Variants in CFAP206 observed in about 807,000 individuals in gnomAD.
CFAP206 encodes cilia and flagella associated protein 206, also known as cilia- and flagella-associated protein 206.
A neutral mutation model predicts 65.4 loss-of-function variants in CFAP206; 53 were observed. The observed-to-expected ratio is 0.81, with a 90% CI of 0.65 to 1.02. CFAP206 has a LOEUF of 1.02. Among genes scored for constraint, CFAP206 ranks in the 50% least tolerant of loss-of-function variants. The pLI is 0.00. For missense variants in CFAP206, 663 were observed against 753.2 expected (o/e 0.88, Z 1.40); for synonymous variants, 250 against 254.4 (o/e 0.98, Z 0.17).
In CFAP206 at chr6:87,409,879, A is replaced by T; in HGVS notation, c.40A>T (p.Ile14Leu). Residue 14 changes from isoleucine to leucine, a missense_variant, in exon 2 of 13, where the codon ATA becomes TTA. By Grantham distance (5) the Ile-to-Leu change is conservative (BLOSUM62 2). Coordinates refer to ENST00000369562, the MANE Select transcript of CFAP206 (RefSeq NM_001031743.3). ...TQAESVIRSI[I>L]REIGQECAAH... Reference sequence around the variant, plus strand: ...GGCCGAAAGTGTTATAAGGAGTATTATACGAGAAATAGGACAAGAATGTGC... The same window carrying T: ...GGCCGAAAGTGTTATAAGGAGTATTTTACGAGAAATAGGACAAGAATGTGC... 1 of 1,613,526 alleles carries T rather than the reference A, an allele frequency of 6.2e-7. No homozygotes were observed.
intron 2 of CFAP206, 133 bp from the exon 3 acceptor site, chr6:87,410,452 G>A (rs1472812958): frequency 5.5e-6 from 4 of 721,966 alleles, no homozygotes; most frequent in Non-Finnish European, 9.8e-6. Flanking sequence ...AAGAAGAATA[G>A]TTGGAAAACC....
At chr6:87,458,172 C>T (rs938080727) in intron 11 of CFAP206, among the ~76,000 whole-genome samples, 5 of 152,046 alleles carry the variant, frequency 3.3e-5, no homozygotes, top group Non-Finnish European at 7.4e-5. Flanking sequence ...CAGGCAATAA[C>T]GAATGCCGGT....
chr6:87,432,257 A>G (rs1228946910), intron 10 of CFAP206, among the ~76,000 whole-genome samples: 1 of 152,208 alleles, frequency 6.6e-6, no homozygotes, highest in Non-Finnish European at 1.5e-5. Context: ...AGAACACACA[A>G]TTGGCTCATT....
chr6:87,431,123 G>T lies in CFAP206; in HGVS notation c.1250G>T (p.Arg417Leu). The stretch of plus-strand genomic sequence containing the variant: ...TTTGATAAACTGTTAATTCAATATC[G>T]GGGATTTTGTGCTTACACGTTTGCT... ...ANFDKLLIQYRGFCAYTFAAT... is the reference protein window; with the variant it reads ...ANFDKLLIQYLGFCAYTFAAT... The change falls in exon 10 of 13, where the codon CGG becomes CTG. Residue 417 changes from arginine to leucine, a missense_variant. Physicochemically the swap from Arg to Leu is moderately radical, Grantham distance 102 (BLOSUM62 -2). Transcript: ENST00000369562. 1 of 1,613,796 alleles carries T rather than the reference G, an allele frequency of 6.2e-7. No homozygotes were observed. Among genetic ancestry groups the T allele is most frequent in the East Asian group, 2.2e-5 (1 of 44,860 alleles).
At chr6:87,417,149 C>T (rs1767847415) in intron 6 of CFAP206, among the ~76,000 whole-genome samples, 1 of 152,020 alleles carries the variant, frequency 6.6e-6, no homozygotes, top group South Asian at 2.1e-4. Flanking sequence ...AAAGGGAGTA[C>T]AATTTAGTTA....
intron 11 of CFAP206, among the ~76,000 whole-genome samples, chr6:87,446,917 T>C (rs754517075): frequency 1.1e-4 from 17 of 152,198 alleles, no homozygotes; most frequent in Non-Finnish European, 2.1e-4. Flanking sequence ...ACTTCCCTTG[T>C]TAGCTGTATT....
chr6:87,438,514 G>T (rs1373809451), intron 11 of CFAP206, among the ~76,000 whole-genome samples: 1 of 151,172 alleles, frequency 6.6e-6, no homozygotes, highest in Non-Finnish European at 1.5e-5. Context: ...ACAGGCAGTT[G>T]CTGGGCAGAT....
chr6:87,445,122 T>C (rs1285835980), intron 11 of CFAP206: 1 of 420,512 alleles, frequency 2.4e-6, no homozygotes. Context: ...AGCCACTTTC[T>C]TATCATTTGC....
At chr6:87,423,147 G>C (rs1402454934) in intron 7 of CFAP206, among the ~76,000 whole-genome samples, 2 of 152,120 alleles carry the variant, frequency 1.3e-5, no homozygotes, top group African/African-American at 2.4e-5. Flanking sequence ...TCGAACTCCT[G>C]GCCTCAAGTG....
chr6:87,434,501 T>A, intron 10 of CFAP206, among the ~76,000 whole-genome samples: 1 of 123,518 alleles, frequency 8.1e-6, no homozygotes, highest in Non-Finnish European at 1.7e-5. Context: ...TTTTTCTTTT[T>A]CTTTTTTTTT....
chr6:87,415,278 A>G (rs188937523), intron 4 of CFAP206, among the ~76,000 whole-genome samples: 7 of 151,342 alleles, frequency 4.6e-5, no homozygotes, highest in Non-Finnish European at 7.4e-5. Context: ...ATAGTATACT[A>G]CATGTGCTTA....
intron 11 of CFAP206, among the ~76,000 whole-genome samples, chr6:87,449,750 A>G (rs1768508923): frequency 6.6e-6 from 1 of 152,136 alleles, no homozygotes; most frequent in South Asian, 2.1e-4. Flanking sequence ...ATAGTTTGCA[A>G]ATATTTTCTC....
chr6:87,455,030 C>T (rs960455601), intron 11 of CFAP206, among the ~76,000 whole-genome samples: 3 of 151,678 alleles, frequency 2.0e-5, no homozygotes, highest in African/African-American at 7.3e-5. Flanking sequence ...TCAAGTGATT[C>T]TCCTGCCTCA....
chr6:87,413,758 T>G, intron 3 of CFAP206, 52 bp from the exon 4 acceptor site: 1 of 1,070,650 alleles, frequency 9.3e-7, no homozygotes, highest in Non-Finnish European at 1.4e-6. Context: ...AGGAAATACT[T>G]GACTGTCTCA....
intron 3 of CFAP206, among the ~76,000 whole-genome samples, chr6:87,412,367 G>A (rs1025409476): frequency 1.3e-5 from 2 of 152,174 alleles, no homozygotes; most frequent in African/African-American, 4.8e-5. Flanking sequence ...AGGGAGATGG[G>A]TTGAGAGTGA....
intron 5 of CFAP206, 84 bp from the exon 6 acceptor site, chr6:87,416,585 C>A (rs1767832989): frequency 8.7e-6 from 11 of 1,259,266 alleles, no homozygotes; most frequent in Non-Finnish European, 1.1e-5. Flanking sequence ...CCTTAACTTG[C>A]TGCTAAAGAA....
intron 10 of CFAP206, 145 bp downstream of exon 10, chr6:87,431,318 A>G: frequency 1.2e-6 from 1 of 813,312 alleles, no homozygotes; most frequent in Non-Finnish European, 1.9e-6. Flanking sequence ...TGATCCAGAC[A>G]AAGTCTTCAT....
At chr6:87,416,901 A>G in intron 6 of CFAP206, 74 bp downstream of exon 6, 1 of 1,259,982 alleles carries the variant, frequency 7.9e-7, no homozygotes, top group Non-Finnish European at 1.1e-6. Context: ...GGAAAATAAT[A>G]AACAACACAC....
chr6:87,462,064 C>A (rs988651635), intron 12 of CFAP206, among the ~76,000 whole-genome samples: 4 of 152,114 alleles, frequency 2.6e-5, no homozygotes, highest in Middle Eastern at 3.2e-3. Flanking sequence ...TGAGTTGGGG[C>A]AGAAGGGGCC....
Sources: allele counts gnomAD v4.1 joint callset (sites outside exome capture counted in the v4.1 genomes callset), GRCh38; gene constraint gnomAD v4.1.1; transcripts MANE v1.5; gene names NCBI Gene and HGNC (gene_info 2026-07-23, HGNC 2026-07-21).